LHFPL3: variants seen among roughly 807,000 people sequenced by gnomAD.
LHFPL3 encodes the protein LHFPL tetraspan subfamily member 3.
A neutral mutation model predicts 19.3 loss-of-function variants in LHFPL3; 5 were observed. The observed-to-expected ratio is 0.26, with a 90% confidence interval of 0.14 to 0.54. LHFPL3 has a LOEUF of 0.54. Ranked by LOEUF, LHFPL3 falls within the 20% of genes least tolerant of loss-of-function variation. The pLI, the probability that LHFPL3 is intolerant of heterozygous loss-of-function variation, is 0.94. For missense variants in LHFPL3, 249 were observed against 307.4 expected (o/e 0.81, Z 1.42); for synonymous variants, 133 against 126.2 (o/e 1.05, Z -0.36).
At chr7:104,531,803 A>AC (rs1468509866) in intron 1 of LHFPL3, among the ~76,000 whole-genome samples, 2 of 152,174 alleles carry the variant, frequency 1.3e-5, no homozygotes, top group Non-Finnish European at 2.9e-5. Flanking sequence ...GGTGGGTTAT[A>AC]ACCTCATTCT....
chr7:104,900,469 CTT>C (rs1792461035), intron 2 of LHFPL3, among the ~76,000 whole-genome samples: 2 of 152,222 alleles, frequency 1.3e-5, no homozygotes, highest in Non-Finnish European at 2.9e-5. Flanking sequence ...AGGCCTGACT[CTT>C]AGGCCATTTT....
At chr7:104,463,161 T>C (rs1185773194) in intron 1 of LHFPL3, among the ~76,000 whole-genome samples, 1 of 152,172 alleles carries the variant, frequency 6.6e-6, no homozygotes, top group Non-Finnish European at 1.5e-5. Flanking sequence ...GCAGCCTATC[T>C]TATTACATTT....
chr7:104,809,188 C>T (rs1790421655), intron 2 of LHFPL3, among the ~76,000 whole-genome samples: 1 of 152,168 alleles, frequency 6.6e-6, no homozygotes, highest in South Asian at 2.1e-4. Flanking sequence ...GCCCGCGTGC[C>T]CAGCCGGATC....
chr7:104,571,428 CA>C (rs1790228747), intron 1 of LHFPL3, among the ~76,000 whole-genome samples: 1 of 152,096 alleles, frequency 6.6e-6, no homozygotes, highest in Non-Finnish European at 1.5e-5. Context: ...GCATAAATCA[CA>C]GCATCTTCTG....
chr7:104,894,256 A>G, intron 2 of LHFPL3, among the ~76,000 whole-genome samples: 1 of 152,222 alleles, frequency 6.6e-6, no homozygotes, highest in East Asian at 1.9e-4. Context: ...CCGTAACGGT[A>G]TTTGCAGGAT....
intron 1 of LHFPL3, among the ~76,000 whole-genome samples, chr7:104,586,166 A>G (rs1790572000): frequency 6.6e-6 from 1 of 152,170 alleles, no homozygotes; most frequent in Non-Finnish European, 1.5e-5. Context: ...ATTTAGAAGG[A>G]GGAAATAAAA....
chr7:104,906,191 G>C lies in LHFPL3; in HGVS notation c.687G>C (p.Leu229=), dbSNP rs776924357. Residue 229 remains leucine (L), a synonymous_variant, in exon 3 of 3, where the codon CTG becomes CTC. Coordinates refer to ENST00000424859, the MANE Select transcript of LHFPL3 (RefSeq NM_199000.3). ...TCTTCCCTCCAATTTCTGCAGTTCTGCTAAGCCAATATTCTCTAGAATGAG... is the reference window on the plus strand; with the variant it reads ...TCTTCCCTCCAATTTCTGCAGTTCTCCTAAGCCAATATTCTCTAGAATGAG... The part of the protein sequence containing the change: ...AEELKAENKV[L]LSQYSLE The C allele has an allele frequency of 2.5e-6, 4 of 1,610,182 alleles. No homozygotes were observed. In the Admixed American group the frequency reaches 6.7e-5, roughly 27 times the overall value.
intron 1 of LHFPL3, among the ~76,000 whole-genome samples, chr7:104,630,404 G>A (rs555559752): frequency 5.9e-5 from 9 of 152,212 alleles, no homozygotes; most frequent in Admixed American, 5.9e-4. Context: ...GTGGATGTGA[G>A]AATATAGGTC....
chr7:104,521,111 T>G (rs886795460), intron 1 of LHFPL3, among the ~76,000 whole-genome samples: 2 of 152,212 alleles, frequency 1.3e-5, no homozygotes, highest in Non-Finnish European at 2.9e-5. Flanking sequence ...CTCTACACAC[T>G]GCTTTGAATG....
At chr7:104,603,092 TTCTTTCTTTCTTTC>T (rs1163572066) in intron 1 of LHFPL3, among the ~76,000 whole-genome samples, 2 of 133,306 alleles carry the variant, frequency 1.5e-5, no homozygotes, top group Admixed American at 7.6e-5. Context: ...CTTTCTTTCT[TTCTTTCTTTCTTTC>T]TTTCTTTCTT....
chr7:104,554,306 T>C lies in LHFPL3; in HGVS notation c.446-182369T>C, dbSNP rs558876645. Among the ~76,000 whole-genome samples the C allele has an allele frequency of 1.2e-3, 182 of 152,260 alleles. 1 individual carries two copies. Among genetic ancestry groups the C allele is most frequent in the Admixed American group, 2.3e-3 (35 of 15,272 alleles). On this transcript the variant is annotated intron_variant, in intron 1 of 2. Coordinates refer to ENST00000424859, the MANE Select transcript of LHFPL3 (RefSeq NM_199000.3). ...AATGTTATAATTATTTTCATTAATATTTATTTTTCTTATGCATTCTAGATG... is the reference window on the plus strand; with the variant it reads ...AATGTTATAATTATTTTCATTAATACTTATTTTTCTTATGCATTCTAGATG...
intron 1 of LHFPL3, among the ~76,000 whole-genome samples, chr7:104,705,576 C>A (rs1333209265): frequency 6.6e-6 from 1 of 152,124 alleles, no homozygotes. Flanking sequence ...TCAGCGTTAC[C>A]TTCTCTTGGA....
intron 1 of LHFPL3, among the ~76,000 whole-genome samples, chr7:104,492,625 A>G (rs952588163): frequency 6.6e-6 from 1 of 152,238 alleles, no homozygotes; most frequent in Admixed American, 6.5e-5. Flanking sequence ...CTCAAGACAT[A>G]TGTTTGAAAT....
At chr7:104,405,288 A>G (rs1037311799) in intron 1 of LHFPL3, among the ~76,000 whole-genome samples, 7 of 152,212 alleles carry the variant, frequency 4.6e-5, no homozygotes, top group African/African-American at 1.2e-4. Context: ...CTAATATTCT[A>G]TGATATAAAA....
At chr7:104,476,543 C>A (rs2115638370) in intron 1 of LHFPL3, among the ~76,000 whole-genome samples, 1 of 152,062 alleles carries the variant, frequency 6.6e-6, no homozygotes, top group South Asian at 2.1e-4. Context: ...TCACTGCAAC[C>A]TCCGCCTCCT....
intron 2 of LHFPL3, among the ~76,000 whole-genome samples, chr7:104,822,804 G>A (rs1021670686): frequency 2.0e-5 from 3 of 152,112 alleles, no homozygotes; most frequent in African/African-American, 7.2e-5. Flanking sequence ...ACATGGATTG[G>A]AGGATAAAAG....
intron 1 of LHFPL3, among the ~76,000 whole-genome samples, chr7:104,718,199 T>A (rs1340284814): frequency 2.0e-5 from 3 of 152,184 alleles, no homozygotes; most frequent in Non-Finnish European, 2.9e-5. Flanking sequence ...TTATGCAAGA[T>A]GAATAAGTTC....
At position 104,908,258 on chromosome 7, in the gene LHFPL3, T is replaced by C. The variant is rs1451265717; in HGVS notation, c.*2043T>C. 1.3e-5 allele frequency among the ~76,000 whole-genome samples: 2 copies of C among 152,222 alleles called. No homozygotes were observed. The highest frequency in any genetic ancestry group is 2.4e-5 in the African/African-American group (1 of 41,470). Reference sequence around the variant, plus strand: ...GAATGTTTTAAAAAAGTTTTTGCCATAAAACCTAAGTGTAATTTAGCATAC... The same window carrying C: ...GAATGTTTTAAAAAAGTTTTTGCCACAAAACCTAAGTGTAATTTAGCATAC... On this transcript the variant is annotated 3_prime_UTR_variant, in exon 3 of 3. Transcript: ENST00000424859.
intron 1 of LHFPL3, among the ~76,000 whole-genome samples, chr7:104,641,851 T>G (rs550461192): frequency 1.2e-4 from 19 of 152,270 alleles, no homozygotes; most frequent in African/African-American, 4.3e-4. Flanking sequence ...CTTTCCCCTG[T>G]ATGAAATGTA....
Sources: allele counts gnomAD v4.1 joint callset (sites outside exome capture counted in the v4.1 genomes callset), GRCh38; gene constraint gnomAD v4.1.1; transcripts MANE v1.5; gene names NCBI Gene and HGNC (gene_info 2026-07-23, HGNC 2026-07-21).